Variants in RAF1 observed in about 807,000 individuals in gnomAD.
The protein encoded by RAF1 is Raf-1 proto-oncogene, serine/threonine kinase.
In RAF1, 27 loss-of-function variants were observed where a neutral mutation model predicts 81.1. The observed-to-expected ratio is 0.33, with a 90% CI of 0.25 to 0.46. The LOEUF (loss-of-function observed/expected upper bound fraction) is 0.46, where lower values mean the gene tolerates loss of function less well. RAF1 is among the 20% of genes least tolerant of loss of function. The pLI is 1.00. For synonymous variants in RAF1, 298 were observed against 294.0 expected, an observed-to-expected ratio of 1.01 and a Z score of -0.14; for missense variants, 598 against 826.0, an observed-to-expected ratio of 0.72 and a Z score of 3.38.
Position 12,608,595 on chromosome 3 carries a change from C to G in RAF1, c.581+171G>C, listed in dbSNP as rs959194920. The G allele has an allele frequency of 4.0e-6, 3 of 755,520 alleles. No homozygotes were observed. In the Admixed American group the frequency reaches 6.7e-5, roughly 17 times the overall value. The allele number at this position is 755,520 out of a possible 1,614,324, so 46.8% of individuals were successfully genotyped here. A position where few individuals can be genotyped will look rare whatever the true frequency, so the allele number is the denominator to read the frequency against. On this transcript the variant is annotated intron_variant, in intron 5 of 17. Transcript: ENST00000442415. Reference sequence around the variant, plus strand: ...TGCTCATTCTGGAGTATGAATGCCACCAAACCTAGCTAGTTTCAGAATTAT... The same window carrying G: ...TGCTCATTCTGGAGTATGAATGCCAGCAAACCTAGCTAGTTTCAGAATTAT...
chr3:12,586,682 C>T (rs1238450335), intron 14 of RAF1, among the ~76,000 whole-genome samples: 1 of 152,156 alleles, frequency 6.6e-6, no homozygotes, highest in Non-Finnish European at 1.5e-5. Flanking sequence ...CAAGGAAAGG[C>T]TCGTGGAGGG....
chr3:12,608,644 G>A, intron 5 of RAF1, 122 bp downstream of exon 5: 3 of 1,166,674 alleles, frequency 2.6e-6, no homozygotes, highest in East Asian at 2.4e-5. Context: ...GTAGTTTCTG[G>A]ATCACAATTC....
Position 12,604,245 on chromosome 3 carries a change from G to A in RAF1, c.725C>T (p.Thr242Ile), listed in dbSNP as rs1365584714. The stretch of plus-strand genomic sequence containing the variant: ...GGAACCTTCAGATGAGGGACTGGAG[G>A]TGTTAAAGGTGAAGGCGTGAGGTGT... Residue 242 changes from threonine to isoleucine, a missense_variant, in exon 7 of 18, where the codon ACC (threonine) becomes ATC (isoleucine). Thr to Ile is a moderately conservative substitution (Grantham distance 89). Around this residue, in one of 5 missense-constraint regions of RAF1, gnomAD observed 194 missense variants for 202.7 expected, o/e 0.96. Coordinates refer to ENST00000442415, the MANE Select transcript of RAF1 (RefSeq NM_001354689.3). 4 of 1,614,194 alleles carry A rather than the reference G, an allele frequency of 2.5e-6. No individual in the cohort carries two copies. The highest frequency in any genetic ancestry group is 1.7e-6 in the Non-Finnish European group (2 of 1,180,030).
At chr3:12,593,000 A>G (rs1021982080) in intron 11 of RAF1, among the ~76,000 whole-genome samples, 34 of 151,254 alleles carry the variant, frequency 2.2e-4, no homozygotes, top group African/African-American at 8.0e-4. Context: ...TCGGCCTCCC[A>G]AAGTGCTGGG....
intron 1 of RAF1, among the ~76,000 whole-genome samples, chr3:12,636,412 G>C (rs1407505622): frequency 6.7e-6 from 1 of 148,608 alleles, no homozygotes; most frequent in Non-Finnish European, 1.5e-5. Context: ...TTCAAGACCA[G>C]CCTGGGCAAC....
At chr3:12,611,557 G>A (rs570800065) in intron 3 of RAF1, among the ~76,000 whole-genome samples, 7 of 152,198 alleles carry the variant, frequency 4.6e-5, no homozygotes, top group South Asian at 4.1e-4. Flanking sequence ...AAAATTAGCC[G>A]GGCGCGGTGG....
At chr3:12,645,499 TG>T (rs2060318832) in intron 1 of RAF1, among the ~76,000 whole-genome samples, 1 of 152,218 alleles carries the variant, frequency 6.6e-6, no homozygotes, top group Non-Finnish European at 1.5e-5. Context: ...CTGATTTGAA[TG>T]GTACAATGGG....
At chr3:12,632,124 G>A (rs976335204) in intron 1 of RAF1, among the ~76,000 whole-genome samples, 4 of 65,186 alleles carry the variant, frequency 6.1e-5, no homozygotes, top group African/African-American at 2.8e-4. Flanking sequence ...TCAGTAGTTC[G>A]AGACCAGCCT....
rs1420138432 is a variant in RAF1, at chr3:12,606,064, C to G, written c.680+137G>C. On this transcript the variant is annotated intron_variant, in intron 6 of 17. Transcript: ENST00000442415. ...TCTACCTTTTCTGTACCACCAGTAT[C>G]AAGTTCCACAGAAGCAGCAAGGGGT... 8 of 658,798 alleles carry G rather than the reference C, an allele frequency of 1.2e-5. No homozygotes were observed. The South Asian group carries it at 1.2e-4, about 10-fold the overall frequency. The allele number at this position is 658,798 out of a possible 1,614,324, so 40.8% of individuals were successfully genotyped here. A position where few individuals can be genotyped will look rare whatever the true frequency, so the allele number is the denominator to read the frequency against.
intron 1 of RAF1, among the ~76,000 whole-genome samples, chr3:12,641,757 G>A: frequency 6.6e-6 from 1 of 152,082 alleles, no homozygotes; most frequent in East Asian, 1.9e-4. Flanking sequence ...CTCCCAAAGT[G>A]CTGGGATTAC....
chr3:12,637,307 T>C (rs1052894091), intron 1 of RAF1, among the ~76,000 whole-genome samples: 6 of 151,632 alleles, frequency 4.0e-5, no homozygotes, highest in East Asian at 2.0e-4. Flanking sequence ...GTATTGTATA[T>C]ATGCATATGT....
chr3:12,621,751 C>A (rs2055312), intron 1 of RAF1, among the ~76,000 whole-genome samples: 1 of 152,068 alleles, frequency 6.6e-6, no homozygotes, highest in African/African-American at 2.4e-5. Flanking sequence ...ATTAAATAAA[C>A]CATGTTAATA....
At chr3:12,654,901 C>T (rs932044460) in intron 1 of RAF1, among the ~76,000 whole-genome samples, 7 of 150,574 alleles carry the variant, frequency 4.6e-5, no homozygotes, top group South Asian at 4.3e-4. Flanking sequence ...GAGGGCTGGG[C>T]GCAGTGGCTC....
At chr3:12,658,203 T>C (rs993033511) in intron 1 of RAF1, among the ~76,000 whole-genome samples, 1 of 152,234 alleles carries the variant, frequency 6.6e-6, no homozygotes, top group African/African-American at 2.4e-5. Flanking sequence ...CACTATGTTT[T>C]TTCCTGTACA....
chr3:12,630,394 C>T (rs2059826956), intron 1 of RAF1, among the ~76,000 whole-genome samples: 1 of 152,140 alleles, frequency 6.6e-6, no homozygotes, highest in Admixed American at 6.6e-5. Flanking sequence ...GGGAACAAAA[C>T]ACAAGGATCC....
chr3:12,632,705 G>C (rs140887708), intron 1 of RAF1, among the ~76,000 whole-genome samples: 2 of 152,246 alleles, frequency 1.3e-5, no homozygotes, highest in South Asian at 2.1e-4. Context: ...TGAAATTCTT[G>C]AAACTCTCTA....
At chr3:12,631,182 G>A (rs908008270) in intron 1 of RAF1, among the ~76,000 whole-genome samples, 3 of 152,070 alleles carry the variant, frequency 2.0e-5, no homozygotes, top group African/African-American at 7.2e-5. Flanking sequence ...CAGGCGTGGT[G>A]GCTCACTATA....
chr3:12,639,108 C>G (rs1234971886), intron 1 of RAF1, among the ~76,000 whole-genome samples: 1 of 151,922 alleles, frequency 6.6e-6, no homozygotes, highest in African/African-American at 2.4e-5. Context: ...ATAAACAGAA[C>G]CAAAATCAAA....
chr3:12,661,445 T>C (rs1413769249), intron 1 of RAF1, among the ~76,000 whole-genome samples: 1 of 152,160 alleles, frequency 6.6e-6, no homozygotes, highest in Admixed American at 6.6e-5. Context: ...GGCTCATGCC[T>C]GTAATCCCAG....
Sources: gnomAD v4.1 joint callset for allele counts (sites outside exome capture counted in the v4.1 genomes callset) on GRCh38, gnomAD v4.1.1 for gene constraint, gnomAD v4.1.1 regional missense constraint, MANE v1.5 for transcripts, NCBI Gene and HGNC (gene_info 2026-07-23, HGNC 2026-07-21) for gene names.